The following ZDHHC14 variants were observed in gnomAD, a reference collection of about 807,000 sequenced individuals.
ZDHHC14 encodes palmitoyltransferase ZDHHC14.
In ZDHHC14, 16 loss-of-function variants were observed where a neutral mutation model predicts 47.7. The ratio of observed to expected loss-of-function variants is 0.34; its 90% CI spans 0.23 to 0.51. The LOEUF (loss-of-function observed/expected upper bound fraction) is 0.51. ZDHHC14 is among the 20% of genes least tolerant of loss of function. The pLI is 0.97. For synonymous variants in ZDHHC14, 293 were observed against 278.9 expected, an observed-to-expected ratio of 1.05 and a Z score of -0.50; for missense variants, 515 against 662.5, an observed-to-expected ratio of 0.78 and a Z score of 2.44.
intron 1 of ZDHHC14, among the ~76,000 whole-genome samples, chr6:157,462,467 A>G (rs1191057284): frequency 1.3e-5 from 2 of 152,188 alleles, no homozygotes; most frequent in African/African-American, 4.8e-5. Context: ...CTTTGTTGTC[A>G]TGGGGCTGTC....
intron 2 of ZDHHC14, among the ~76,000 whole-genome samples, chr6:157,545,500 C>A (rs1345086365): frequency 6.6e-6 from 1 of 151,908 alleles, no homozygotes; most frequent in African/African-American, 2.4e-5. Context: ...CACAGTGAAA[C>A]CCCGTCTCTA....
chr6:157,468,667 C>T (rs1779280456), intron 1 of ZDHHC14, among the ~76,000 whole-genome samples: 2 of 152,192 alleles, frequency 1.3e-5, no homozygotes, highest in African/African-American at 2.4e-5. Context: ...GTGAAGTCGT[C>T]TTGCTTTCAT....
At chr6:157,660,092 A>G (rs1778280038) in intron 8 of ZDHHC14, among the ~76,000 whole-genome samples, 1 of 152,078 alleles carries the variant, frequency 6.6e-6, no homozygotes, top group African/African-American at 2.4e-5. Flanking sequence ...CTCCTTTTAC[A>G]AAGGATGAAA....
chr6:157,488,861 C>G (rs549771324), intron 1 of ZDHHC14, among the ~76,000 whole-genome samples: 4 of 152,194 alleles, frequency 2.6e-5, no homozygotes, highest in African/African-American at 9.7e-5. Context: ...CATTCTGAGC[C>G]GCGGTGTGGA....
chr6:157,557,122 G>A (rs1056234137), intron 2 of ZDHHC14, among the ~76,000 whole-genome samples: 11 of 152,196 alleles, frequency 7.2e-5, no homozygotes, highest in Admixed American at 1.3e-4. Flanking sequence ...CTGAACCAGG[G>A]GCAAAATAGC....
chr6:157,522,424 CA>C (rs1422128607), intron 1 of ZDHHC14, among the ~76,000 whole-genome samples: 1 of 152,126 alleles, frequency 6.6e-6, no homozygotes, highest in Non-Finnish European at 1.5e-5. Flanking sequence ...GACAGTGTGT[CA>C]CTGGTTTTCA....
At chr6:157,606,526 G>T (rs547350847) in intron 3 of ZDHHC14, among the ~76,000 whole-genome samples, 2 of 152,330 alleles carry the variant, frequency 1.3e-5, no homozygotes, top group African/African-American at 4.8e-5. Flanking sequence ...TGCATGCTTG[G>T]ATTAGAAGAT....
intron 1 of ZDHHC14, among the ~76,000 whole-genome samples, chr6:157,474,729 T>C (rs1779437866): frequency 6.6e-6 from 1 of 152,212 alleles, no homozygotes; most frequent in African/African-American, 2.4e-5. Flanking sequence ...AAATGTCTAT[T>C]CTCATTTTTT....
intron 8 of ZDHHC14, among the ~76,000 whole-genome samples, chr6:157,655,036 GTTTTC>G (rs1266831952): frequency 6.6e-6 from 1 of 152,148 alleles, no homozygotes; most frequent in African/African-American, 2.4e-5. Context: ...TGCCAGGCGT[GTTTTC>G]TTTCGAAGCA....
chr6:157,620,607 A>G (rs542360606), intron 3 of ZDHHC14, among the ~76,000 whole-genome samples: 3 of 152,338 alleles, frequency 2.0e-5, no homozygotes, highest in African/African-American at 4.8e-5. Context: ...ATCTCCACAC[A>G]TGGGCAGGTT....
At chr6:157,575,959 C>A (rs1421841511) in intron 2 of ZDHHC14, among the ~76,000 whole-genome samples, 5 of 152,198 alleles carry the variant, frequency 3.3e-5, no homozygotes, top group Admixed American at 6.5e-5. Context: ...TGCGGCCCGC[C>A]CTGGCCCTGG....
intron 3 of ZDHHC14, among the ~76,000 whole-genome samples, chr6:157,613,814 C>T (rs1045270411): frequency 3.3e-5 from 5 of 151,672 alleles, no homozygotes; most frequent in South Asian, 4.2e-4. Context: ...TGTGAGTGCA[C>T]GAGAGTGAAG....
At chr6:157,663,074 TCA>T (rs1171734170) in intron 8 of ZDHHC14, among the ~76,000 whole-genome samples, 1 of 152,258 alleles carries the variant, frequency 6.6e-6, no homozygotes, top group African/African-American at 2.4e-5. Flanking sequence ...AGTAAGTTGC[TCA>T]TAGATGGATA....
At chr6:157,521,111 T>C (rs1271723315) in intron 1 of ZDHHC14, among the ~76,000 whole-genome samples, 2 of 152,180 alleles carry the variant, frequency 1.3e-5, no homozygotes, top group East Asian at 1.9e-4. Flanking sequence ...AGATGTTTAT[T>C]GAAAGCCGGC....
intron 8 of ZDHHC14, among the ~76,000 whole-genome samples, chr6:157,668,735 A>T (rs1778663487): frequency 6.6e-6 from 1 of 152,146 alleles, no homozygotes; most frequent in Non-Finnish European, 1.5e-5. Flanking sequence ...TAAATGGCTT[A>T]GGCTAAACTT....
intron 1 of ZDHHC14, among the ~76,000 whole-genome samples, chr6:157,401,630 G>C (rs949249986): frequency 6.7e-6 from 1 of 148,364 alleles, no homozygotes; most frequent in Admixed American, 6.8e-5. Flanking sequence ...CTCCTGCTGA[G>C]GTCTCAGCTG....
At chr6:157,444,375 A>G (rs538833758) in intron 1 of ZDHHC14, among the ~76,000 whole-genome samples, 12 of 152,260 alleles carry the variant, frequency 7.9e-5, no homozygotes, top group Non-Finnish European at 8.8e-5. Context: ...CCAAGAGAAC[A>G]CTCAGTAAGA....
intron 3 of ZDHHC14, among the ~76,000 whole-genome samples, chr6:157,608,031 G>C (rs1436215204): frequency 6.6e-6 from 1 of 152,226 alleles, no homozygotes; most frequent in African/African-American, 2.4e-5. Flanking sequence ...GTTTGTGCCT[G>C]AAAATCCACT....
intron 2 of ZDHHC14, among the ~76,000 whole-genome samples, chr6:157,561,530 C>G (rs1197880835): frequency 1.3e-5 from 2 of 152,150 alleles, no homozygotes; most frequent in Admixed American, 6.5e-5. Context: ...GCTGTCCCGG[C>G]GCTCAGATAC....
Sources: gnomAD v4.1 joint callset for allele counts (sites outside exome capture counted in the v4.1 genomes callset) on GRCh38, gnomAD v4.1.1 for gene constraint, MANE v1.5 for transcripts, NCBI Gene and HGNC (gene_info 2026-07-23, HGNC 2026-07-21) for gene names.